The following RYR3 variants were observed in gnomAD, a reference collection of about 807,000 sequenced individuals.
RYR3 encodes brain ryanodine receptor-calcium release channel.
RYR3 carries 207 observed loss-of-function variants against 584.3 expected under a neutral mutation model. The ratio of observed to expected loss-of-function variants is 0.35; its 90% CI spans 0.32 to 0.40. The LOEUF is 0.40. RYR3 is among the 10% of genes least tolerant of loss of function. The pLI is 1.00. For synonymous variants in RYR3, 2,416 were observed against 2,248.5 expected (o/e 1.07, Z -2.11); for missense variants, 5,616 against 6,089.2 (o/e 0.92, Z 2.59).
At chr15:33,503,483 T>C (rs1414285072) in intron 2 of RYR3, 148 bp from the exon 3 acceptor site, 2 of 596,668 alleles carry the variant, frequency 3.4e-6, no homozygotes, top group African/African-American at 3.7e-5. Context: ...AAACCCATCT[T>C]GAACAGGAGA....
At chr15:33,363,542 T>A (rs924465532) in intron 1 of RYR3, among the ~76,000 whole-genome samples, 10 of 152,212 alleles carry the variant, frequency 6.6e-5, no homozygotes, top group South Asian at 2.1e-4. Flanking sequence ...GTGGATATTT[T>A]AAAAAACCCT....
chr15:33,778,445 G>A (rs1596544109), intron 64 of RYR3, among the ~76,000 whole-genome samples: 2 of 152,138 alleles, frequency 1.3e-5, no homozygotes, highest in Non-Finnish European at 2.9e-5. Context: ...ATATGTAGAG[G>A]CACTCACTAT....
intron 1 of RYR3, among the ~76,000 whole-genome samples, chr15:33,413,512 A>C (rs982415814): frequency 2.0e-5 from 3 of 152,190 alleles, no homozygotes; most frequent in African/African-American, 7.2e-5. Flanking sequence ...GGTCAAGGAG[A>C]TATCACTGTT....
intron 38 of RYR3, among the ~76,000 whole-genome samples, chr15:33,693,206 A>G (rs2065576550): frequency 6.6e-6 from 1 of 152,380 alleles, no homozygotes; most frequent in South Asian, 2.1e-4. Flanking sequence ...AGTAATAACT[A>G]GGAGTGCATC....
chr15:33,551,696 A>G (rs1359965530), intron 10 of RYR3, among the ~76,000 whole-genome samples: 1 of 151,986 alleles, frequency 6.6e-6, no homozygotes, highest in Non-Finnish European at 1.5e-5. Context: ...TCCAATGGCT[A>G]TTGACTCTGA....
intron 52 of RYR3, among the ~76,000 whole-genome samples, chr15:33,742,965 C>T (rs1374017949): frequency 6.6e-6 from 1 of 152,184 alleles, no homozygotes; most frequent in Non-Finnish European, 1.5e-5. Context: ...TAAAATTCCT[C>T]ACCACATGAG....
chr15:33,570,222 C>G (rs1187212636), intron 12 of RYR3, among the ~76,000 whole-genome samples: 1 of 152,016 alleles, frequency 6.6e-6, no homozygotes, highest in Admixed American at 6.6e-5. Context: ...ACATTTAGGT[C>G]CGTGATCTAT....
chr15:33,746,295 G>C (rs769360259), intron 53 of RYR3, 138 bp downstream of exon 53: 45 of 682,564 alleles, frequency 6.6e-5, no homozygotes, highest in Middle Eastern at 2.7e-4. Context: ...CTGTTCACAA[G>C]CTTGCCAGTG....
intron 1 of RYR3, among the ~76,000 whole-genome samples, chr15:33,334,969 C>A (rs1249493156): frequency 6.6e-6 from 1 of 152,088 alleles, no homozygotes; most frequent in Non-Finnish European, 1.5e-5. Flanking sequence ...AAATCAAAAC[C>A]ACAATGAGAT....
At chr15:33,421,039 C>T (rs1046497984) in intron 1 of RYR3, among the ~76,000 whole-genome samples, 44 of 151,972 alleles carry the variant, frequency 2.9e-4, no homozygotes, top group Admixed American at 2.9e-3. Context: ...ATGGGTTATC[C>T]AGGCCAAAAA....
chr15:33,484,842 A>G (rs757678676), intron 2 of RYR3, among the ~76,000 whole-genome samples: 6 of 152,190 alleles, frequency 3.9e-5, no homozygotes, highest in Non-Finnish European at 8.8e-5. Flanking sequence ...AAGACATCCA[A>G]CAGAAAATTT....
intron 67 of RYR3, among the ~76,000 whole-genome samples, 166 bp from the exon 68 acceptor site, chr15:33,800,604 G>C (rs1340272041): frequency 1.3e-5 from 2 of 152,202 alleles, no homozygotes; most frequent in Non-Finnish European, 2.9e-5. Flanking sequence ...ATATCTGAAT[G>C]TTTAAGGAAT....
intron 65 of RYR3, among the ~76,000 whole-genome samples, chr15:33,781,271 C>T (rs1020317663): frequency 4.6e-5 from 7 of 152,094 alleles, no homozygotes; most frequent in African/African-American, 1.4e-4. Context: ...GAAAGAACTG[C>T]GATGATTCCA....
Position 33,746,331 on chromosome 15 carries a change from G to A in RYR3, c.7989+174G>A, listed in dbSNP as rs549445861. 3.2e-4 allele frequency among the ~76,000 whole-genome samples: 49 copies of A among 152,318 alleles called. 1 individual carries two copies. The highest frequency in any genetic ancestry group is 8.2e-4 in the African/African-American group (34 of 41,586). ...GGCAAGTGCCTCAGGACCAGTTTCC[G>A]AGAGCCCAGCCTCACTTTCTGTTCT... On this transcript the variant is annotated intron_variant, in intron 53 of 103. Transcript: ENST00000634891.
At chr15:33,486,574 T>C (rs2050445162) in intron 2 of RYR3, among the ~76,000 whole-genome samples, 2 of 152,140 alleles carry the variant, frequency 1.3e-5, no homozygotes, top group African/African-American at 4.8e-5. Context: ...TCAGTATGAA[T>C]GTTCAAATCA....
chr15:33,607,815 A>C lies in RYR3; in HGVS notation c.2164+4451A>C, dbSNP rs147555619. ...AATTAAGGTTCCTGGAGTTGAAAAA[A>C]ACACAAACAAATAGCACTTGCTGTG... On this transcript the variant is annotated intron_variant, in intron 18 of 103. Coordinates refer to ENST00000634891, the MANE Select transcript of RYR3 (RefSeq NM_001036.6). 4.3e-3 allele frequency among the ~76,000 whole-genome samples: 652 copies of C among 152,270 alleles called. 1 individual carries two copies. Among genetic ancestry groups the C allele is most frequent in the African/African-American group, 0.015 (611 of 41,546 alleles).
intron 63 of RYR3, 144 bp from the exon 64 acceptor site, chr15:33,773,390 G>A (rs2073756420): frequency 3.1e-6 from 2 of 648,020 alleles, no homozygotes; most frequent in South Asian, 1.9e-5. Flanking sequence ...TGGCATCTGG[G>A]TAGAAAAGGG....
At chr15:33,531,029 C>T (rs17236161) in intron 4 of RYR3, among the ~76,000 whole-genome samples, 30,133 of 151,688 alleles carry the variant, frequency 0.2, 3,445 homozygotes, top group Admixed American at 0.35. Flanking sequence ...AGTAACAGAG[C>T]GCTTTAGTAT....
intron 32 of RYR3, among the ~76,000 whole-genome samples, 180 bp downstream of exon 32, chr15:33,653,063 G>GA (rs1164234728): frequency 6.6e-6 from 1 of 152,122 alleles, no homozygotes; most frequent in Non-Finnish European, 1.5e-5. Flanking sequence ...TGTATGCAGA[G>GA]AAAAAAAGGC....
Sources: allele counts gnomAD v4.1 joint callset (sites outside exome capture counted in the v4.1 genomes callset), GRCh38; gene constraint gnomAD v4.1.1; transcripts MANE v1.5; gene names NCBI Gene and HGNC (gene_info 2026-07-23, HGNC 2026-07-21).